Variants in FBXL5 observed in about 807,000 individuals in gnomAD.
The protein encoded by FBXL5 is F-box/LRR-repeat protein 5.
FBXL5 carries 26 observed loss-of-function variants against 78.3 expected under a neutral mutation model. The observed-to-expected ratio is 0.33, with a 90% CI of 0.24 to 0.46. FBXL5 has a LOEUF of 0.46. FBXL5 is among the 20% of genes least tolerant of loss of function. FBXL5 has a pLI of 1.00. For missense variants in FBXL5, 710 were observed against 829.2 expected (o/e 0.86, Z 1.77); for synonymous variants, 295 against 282.5 (o/e 1.04, Z -0.45).
upstream of FBXL5, among the ~76,000 whole-genome samples, chr4:15,659,232 G>C (rs1577504369): frequency 1.3e-5 from 2 of 152,260 alleles, no homozygotes; most frequent in South Asian, 4.1e-4. Flanking sequence ...GGCATACATA[G>C]TAGGCATAAA....
upstream of FBXL5, among the ~76,000 whole-genome samples, chr4:15,660,580 C>T (rs180932670): frequency 1.3e-5 from 2 of 152,330 alleles, no homozygotes; most frequent in African/African-American, 4.8e-5. Context: ...CACTACCTAC[C>T]TACCCACAAG....
chr4:15,645,674 G>A (rs760591488), intron 1 of FBXL5, among the ~76,000 whole-genome samples: 3 of 151,956 alleles, frequency 2.0e-5, no homozygotes, highest in Admixed American at 1.3e-4. Context: ...TGATCCACCC[G>A]CCTCGGCCTC....
chr4:15,655,479 C>T (rs1222833453), upstream of FBXL5: 34 of 793,706 alleles, frequency 4.3e-5, no homozygotes, highest in Non-Finnish European at 4.9e-5. Context: ...GCCCACGTGA[C>T]CGGGCGCGCG....
At chr4:15,634,976 A>G (rs13327973) in intron 5 of FBXL5, among the ~76,000 whole-genome samples, 6,181 of 152,238 alleles carry the variant, frequency 0.041, 393 homozygotes, top group African/African-American at 0.14. Context: ...TTTAGACGAT[A>G]TAAGTCTACC....
At chr4:15,640,690 G>C in intron 3 of FBXL5, 98 bp downstream of exon 3, 1 of 582,150 alleles carries the variant, frequency 1.7e-6, no homozygotes, top group Non-Finnish European at 3.0e-6. Flanking sequence ...CCATCAACCA[G>C]ATACATCTTC....
intron 2 of FBXL5, among the ~76,000 whole-genome samples, chr4:15,641,263 C>T (rs1014002923): frequency 6.6e-6 from 1 of 152,038 alleles, no homozygotes; most frequent in African/African-American, 2.4e-5. Flanking sequence ...GTGTCTCCTC[C>T]ACTAAAAAAC....
chr4:15,607,813 C>T (rs905764054), intron 10 of FBXL5, among the ~76,000 whole-genome samples: 2 of 152,148 alleles, frequency 1.3e-5, no homozygotes, highest in Admixed American at 1.3e-4. Context: ...CAAAATGGAT[C>T]TGATTATCAT....
chr4:15,636,382 T>C (rs1714266851), intron 5 of FBXL5, 112 bp downstream of exon 5: 1 of 846,742 alleles, frequency 1.2e-6, no homozygotes, highest in Non-Finnish European at 1.6e-6. Context: ...AACTATAAAA[T>C]CTACTTTTTG....
rs999658059 is a variant in FBXL5, at chr4:15,612,475, A to G, written c.1851-61T>C. On this transcript the variant is annotated intron_variant, in intron 9 of 10. Transcript: ENST00000341285. ...AATCTATAAAAATGTTTGTATTCCT[A>G]TGGTTCACTGAACCACTATTTTACA... 1.7e-5 allele frequency: 25 copies of G among 1,447,154 alleles called. No homozygotes were observed. The Middle Eastern group carries it at 5.2e-4, about 30-fold the overall frequency. The allele number at this position is 1,447,154 out of a possible 1,614,324, so 89.6% of individuals were successfully genotyped here. A position where few individuals can be genotyped will look rare whatever the true frequency, so the allele number is the denominator to read the frequency against.
intron 5 of FBXL5, among the ~76,000 whole-genome samples, chr4:15,633,229 G>A (rs541702897): frequency 2.7e-4 from 41 of 152,264 alleles, no homozygotes; most frequent in Non-Finnish European, 4.0e-4. Flanking sequence ...AAAATGTACA[G>A]AGTCTGCTAT....
At chr4:15,617,329 C>T (rs1321505449) in intron 9 of FBXL5, among the ~76,000 whole-genome samples, 2 of 151,974 alleles carry the variant, frequency 1.3e-5, no homozygotes, top group African/African-American at 4.8e-5. Flanking sequence ...ACTGCCTGAG[C>T]TCAGGAGTTC....
chr4:15,624,335 T>G (rs1712792952), intron 9 of FBXL5, among the ~76,000 whole-genome samples: 1 of 152,172 alleles, frequency 6.6e-6, no homozygotes, highest in Non-Finnish European at 1.5e-5. Context: ...ATGCCTTATA[T>G]ATATTCCTCT....
chr4:15,648,121 T>G (rs981975819), intron 1 of FBXL5, among the ~76,000 whole-genome samples: 3 of 152,190 alleles, frequency 2.0e-5, no homozygotes, highest in Non-Finnish European at 4.4e-5. Flanking sequence ...CATCCTGAGT[T>G]GCTGAGATTA....
chr4:15,638,284 C>T (rs1246767218), intron 4 of FBXL5, among the ~76,000 whole-genome samples: 1 of 152,280 alleles, frequency 6.6e-6, no homozygotes, highest in Middle Eastern at 3.4e-3. Flanking sequence ...AGAAACACTA[C>T]ACTGAATATG....
chr4:15,627,129 C>CTTTTTTT (rs1491071832), intron 7 of FBXL5, among the ~76,000 whole-genome samples, 174 bp from the exon 8 acceptor site: 2 of 85,660 alleles, frequency 2.3e-5, no homozygotes, highest in Non-Finnish European at 2.2e-5. Flanking sequence ...CCCTGAGAAT[C>CTTTTTTT]TCTTTTTTTT....
At chr4:15,612,995 C>A (rs1421211041) in intron 9 of FBXL5, among the ~76,000 whole-genome samples, 1 of 152,092 alleles carries the variant, frequency 6.6e-6, no homozygotes, top group African/African-American at 2.4e-5. Flanking sequence ...TGTGGTACAT[C>A]CATACAATTA....
At chr4:15,643,659 G>C (rs1042520061) in intron 2 of FBXL5, among the ~76,000 whole-genome samples, 1 of 152,076 alleles carries the variant, frequency 6.6e-6, no homozygotes, top group Admixed American at 6.6e-5. Flanking sequence ...CACTAGCCTC[G>C]GCCTCCCAGA....
intron 5 of FBXL5, 188 bp downstream of exon 5, chr4:15,636,306 T>C (rs933111356): frequency 2.2e-6 from 1 of 459,478 alleles, no homozygotes; most frequent in Non-Finnish European, 3.8e-6. Flanking sequence ...CAGACATCAT[T>C]ATAATTTACC....
At chr4:15,646,293 T>C (rs958892849) in intron 1 of FBXL5, among the ~76,000 whole-genome samples, 1 of 152,226 alleles carries the variant, frequency 6.6e-6, no homozygotes. Context: ...TATTTAAAAA[T>C]GTAAAAGTGA....
Sources: allele counts gnomAD v4.1 joint callset (sites outside exome capture counted in the v4.1 genomes callset), GRCh38; gene constraint gnomAD v4.1.1; transcripts MANE v1.5; gene names NCBI Gene and HGNC (gene_info 2026-07-23, HGNC 2026-07-21).